PCDHA10: variants seen among roughly 807,000 people sequenced by gnomAD.
PCDHA10 encodes protocadherin alpha-10.
PCDHA10 carries 45 observed loss-of-function variants against 61.2 expected under a neutral mutation model. The observed-to-expected ratio is 0.74, with a 90% CI of 0.58 to 0.94. The LOEUF is 0.94. PCDHA10 is among the 40% of genes least tolerant of loss of function. The pLI, the probability that PCDHA10 is intolerant of heterozygous loss-of-function variation, is 0.00. For missense variants in PCDHA10, 1,278 were observed against 1,236.2 expected (o/e 1.03, Z -0.51); for synonymous variants, 602 against 548.8 (o/e 1.10, Z -1.35).
At chr5:140,879,740 T>C (rs1337276853) in intron 1 of PCDHA10, among the ~76,000 whole-genome samples, 5 of 152,200 alleles carry the variant, frequency 3.3e-5, no homozygotes, top group Admixed American at 1.3e-4. Flanking sequence ...ATCAAGGTGT[T>C]GTCAAGGCTA....
chr5:140,924,901 A>AAAAAAT (rs369245222), intron 1 of PCDHA10, among the ~76,000 whole-genome samples: 13 of 80,502 alleles, frequency 1.6e-4, no homozygotes, highest in East Asian at 1.6e-3. Flanking sequence ...TCTCAAAAAA[A>AAAAAAT]AAAATAAAAT....
chr5:140,983,483 C>T (rs2097053951), intron 3 of PCDHA10, among the ~76,000 whole-genome samples: 1 of 152,220 alleles, frequency 6.6e-6, no homozygotes, highest in African/African-American at 2.4e-5. Flanking sequence ...ATAGTAGTTA[C>T]TAATTATTAA....
chr5:140,869,588 T>TC, intron 1 of PCDHA10: 1 of 1,614,114 alleles, frequency 6.2e-7, no homozygotes. Context: ...GATGCTGACA[T>TC]TGAAGAGAAT....
chr5:140,883,702 T>G (rs367854871), intron 1 of PCDHA10: 3 of 1,613,750 alleles, frequency 1.9e-6, no homozygotes, highest in Non-Finnish European at 2.5e-6. Flanking sequence ...TCACGGTGTC[T>G]GCTCAGGACG....
chr5:140,977,067 A>G (rs2096744217), intron 1 of PCDHA10, among the ~76,000 whole-genome samples: 1 of 152,250 alleles, frequency 6.6e-6, no homozygotes, highest in South Asian at 2.1e-4. Context: ...TATAGAAAAT[A>G]GCAGCATGAC....
chr5:140,941,256 T>TTTC (rs2092982969), intron 1 of PCDHA10, among the ~76,000 whole-genome samples: 1 of 45,974 alleles, frequency 2.2e-5, no homozygotes, highest in African/African-American at 7.5e-5. Flanking sequence ...TCTTTCTTTC[T>TTTC]CTTTCTTTCT....
At chr5:140,906,083 A>G (rs1554192390) in intron 1 of PCDHA10, among the ~76,000 whole-genome samples, 1 of 152,146 alleles carries the variant, frequency 6.6e-6, no homozygotes, top group Non-Finnish European at 1.5e-5. Context: ...ACCCACCCAG[A>G]CTGAGAGTAA....
chr5:140,884,651 T>G (rs2153405863), intron 1 of PCDHA10: 2 of 1,604,404 alleles, frequency 1.2e-6, no homozygotes, highest in Non-Finnish European at 1.7e-6. Flanking sequence ...GGACTCAGAA[T>G]GCTTGAAAGA....
chr5:140,963,216 T>C (rs868943222), intron 1 of PCDHA10, among the ~76,000 whole-genome samples: 24 of 152,176 alleles, frequency 1.6e-4, no homozygotes, highest in Admixed American at 1.2e-3. Context: ...ACCTCGTGTT[T>C]AGAGTAGACA....
At chr5:140,942,351 G>A (rs893015832) in intron 1 of PCDHA10, among the ~76,000 whole-genome samples, 1 of 152,024 alleles carries the variant, frequency 6.6e-6, no homozygotes, top group Admixed American at 6.6e-5. Flanking sequence ...GGCGGAGGTT[G>A]CAGTTAACGG....
chr5:140,884,466 C>T (rs1212644572), intron 1 of PCDHA10: 3 of 1,613,764 alleles, frequency 1.9e-6, no homozygotes, highest in Non-Finnish European at 2.5e-6. Context: ...GGCGCGTGCG[C>T]GCCGGGCAAG....
intron 2 of PCDHA10, 148 bp from the exon 3 acceptor site, chr5:140,982,327 C>A: frequency 7.0e-7 from 1 of 1,419,146 alleles, no homozygotes; most frequent in South Asian, 1.4e-5. Context: ...AGGGTGACTG[C>A]TCAGCAGTAA....
At chr5:140,902,203 C>CT (rs148688132) in intron 1 of PCDHA10, among the ~76,000 whole-genome samples, 2,237 of 124,430 alleles carry the variant, frequency 0.018, 39 homozygotes, top group East Asian at 0.05. Context: ...CTCTCTCTTT[C>CT]TTTTTTTTTT....
chr5:140,947,754 G>A (rs1295200380), intron 1 of PCDHA10, among the ~76,000 whole-genome samples: 2 of 151,334 alleles, frequency 1.3e-5, no homozygotes, highest in African/African-American at 2.4e-5. Flanking sequence ...TGTATTTTAT[G>A]GTTTAAAAAA....
intron 1 of PCDHA10, among the ~76,000 whole-genome samples, chr5:140,943,172 C>T (rs1370908273): frequency 2.7e-5 from 4 of 148,068 alleles, no homozygotes; most frequent in African/African-American, 1.0e-4. Context: ...GCAGGAAAAT[C>T]GCTTGAACCC....
At chr5:140,871,043 T>A (rs763700203) in intron 1 of PCDHA10, 1 of 1,613,370 alleles carries the variant, frequency 6.2e-7, no homozygotes, top group Non-Finnish European at 8.5e-7. Context: ...CACCGACTTC[T>A]AGTACTGGTG....
intron 1 of PCDHA10, among the ~76,000 whole-genome samples, chr5:140,972,657 CA>C (rs1342092810): frequency 2.8e-5 from 4 of 143,798 alleles, no homozygotes; most frequent in South Asian, 4.5e-4. Context: ...AAAAAGAAAC[CA>C]AATTTTTTTT....
chr5:140,966,929 G>A (rs944732818), intron 1 of PCDHA10: 2 of 1,603,460 alleles, frequency 1.2e-6, no homozygotes, highest in African/African-American at 1.3e-5. Flanking sequence ...GCAGGCACCC[G>A]GCGCGCTCGT....
intron 1 of PCDHA10, among the ~76,000 whole-genome samples, chr5:140,891,792 G>A (rs2063250974): frequency 6.6e-6 from 1 of 152,152 alleles, no homozygotes; most frequent in Non-Finnish European, 1.5e-5. Flanking sequence ...TAGATTATGA[G>A]GGATCTGCCC....
Sources: gnomAD v4.1 joint callset for allele counts (sites outside exome capture counted in the v4.1 genomes callset) on GRCh38, gnomAD v4.1.1 for gene constraint, MANE v1.5 for transcripts, NCBI Gene and HGNC (gene_info 2026-07-23, HGNC 2026-07-21) for gene names.